Variants in GHR observed in about 807,000 individuals in gnomAD.
GHR encodes growth hormone receptor, also known as GH receptor.
GHR carries 35 observed loss-of-function variants against 67.1 expected under a neutral mutation model. That is an observed-to-expected ratio of 0.52 (90% CI 0.40 to 0.69). GHR has a LOEUF of 0.69. Ranked by LOEUF, GHR falls within the 30% of genes least tolerant of loss-of-function variation. GHR has a pLI of 0.00. For missense variants in GHR, 792 were observed against 764.6 expected (o/e 1.04, Z -0.42); for synonymous variants, 272 against 269.1 (o/e 1.01, Z -0.10).
At chr5:42,505,159 A>G (rs1290435345) in intron 1 of GHR, among the ~76,000 whole-genome samples, 2 of 96,574 alleles carry the variant, frequency 2.1e-5, no homozygotes, top group Non-Finnish European at 4.5e-5. Flanking sequence ...TTTTTGCCTT[A>G]TAATTTACTT....
At chr5:42,699,747 G>C in intron 5 of GHR, 77 bp from the exon 6 acceptor site, 1 of 884,562 alleles carries the variant, frequency 1.1e-6, no homozygotes, top group Non-Finnish European at 1.9e-6. Flanking sequence ...AAAGTAATTT[G>C]GTCTTCTGAG....
rs115987960 is a variant in GHR, at chr5:42,634,253, G to A, written c.136+5150G>A. 9.3e-3 allele frequency among the ~76,000 whole-genome samples: 1,417 copies of A among 152,062 alleles called. 21 individuals are homozygous for A. The highest frequency in any genetic ancestry group is 0.013 in the South Asian group (64 of 4,816). On this transcript the variant is annotated intron_variant, in intron 3 of 9. Transcript: ENST00000230882. ...GTATCTGGCCCTACAGTAAGCTTACGTGGTATTTATTGTATTCTCTTATGG... is the reference window on the plus strand; with the variant it reads ...GTATCTGGCCCTACAGTAAGCTTACATGGTATTTATTGTATTCTCTTATGG...
chr5:42,498,663 A>C (rs2112222614), intron 1 of GHR, among the ~76,000 whole-genome samples: 1 of 152,320 alleles, frequency 6.6e-6, no homozygotes, highest in Non-Finnish European at 1.5e-5. Context: ...CAAAAGGCAA[A>C]CGGACAAGCC....
chr5:42,485,385 C>T (rs1469691602), intron 1 of GHR, among the ~76,000 whole-genome samples: 1 of 152,196 alleles, frequency 6.6e-6, no homozygotes, highest in African/African-American at 2.4e-5. Context: ...CATTAATACC[C>T]CCATCATAGC....
intron 3 of GHR, among the ~76,000 whole-genome samples, chr5:42,657,614 G>A (rs1755325685): frequency 6.6e-6 from 1 of 152,082 alleles, no homozygotes; most frequent in Non-Finnish European, 1.5e-5. Flanking sequence ...CACTCATAAT[G>A]GGAATTTAGA....
At chr5:42,554,132 T>G (rs1326645631) in intron 1 of GHR, among the ~76,000 whole-genome samples, 1 of 152,182 alleles carries the variant, frequency 6.6e-6, no homozygotes, top group Non-Finnish European at 1.5e-5. Flanking sequence ...GTATCAATAC[T>G]CAGTCCCTAT....
chr5:42,590,031 T>A (rs1751693390), intron 2 of GHR, among the ~76,000 whole-genome samples: 1 of 152,214 alleles, frequency 6.6e-6, no homozygotes, highest in Non-Finnish European at 1.5e-5. Context: ...GGTATTTCAT[T>A]CATTCCTCCA....
chr5:42,595,767 G>C (rs966767840), intron 2 of GHR, among the ~76,000 whole-genome samples: 6 of 152,224 alleles, frequency 3.9e-5, no homozygotes, highest in African/African-American at 1.2e-4. Flanking sequence ...AAGGAAGTGG[G>C]TTGCTGGAGA....
At chr5:42,476,683 T>C (rs1192566210) in intron 1 of GHR, among the ~76,000 whole-genome samples, 1 of 152,202 alleles carries the variant, frequency 6.6e-6, no homozygotes, top group Non-Finnish European at 1.5e-5. Context: ...CTAAAGTTCC[T>C]TTCTGACACA....
chr5:42,461,972 T>C (rs942416048), intron 1 of GHR, among the ~76,000 whole-genome samples: 10 of 152,186 alleles, frequency 6.6e-5, no homozygotes, highest in Admixed American at 6.5e-4. Context: ...TCCAAAGAGA[T>C]TGTGAATGTT....
At chr5:42,614,966 A>G (rs966483146) in intron 2 of GHR, among the ~76,000 whole-genome samples, 5 of 151,886 alleles carry the variant, frequency 3.3e-5, no homozygotes, top group Admixed American at 2.6e-4. Context: ...AAGATCTCCA[A>G]AGCCCCTCCC....
intron 1 of GHR, among the ~76,000 whole-genome samples, chr5:42,553,766 G>C (rs1187075367): frequency 6.6e-6 from 1 of 152,270 alleles, no homozygotes; most frequent in Admixed American, 6.5e-5. Flanking sequence ...GCAACACTTT[G>C]AAATATTGTC....
At chr5:42,667,772 T>A (rs1442234377) in intron 3 of GHR, among the ~76,000 whole-genome samples, 1 of 152,210 alleles carries the variant, frequency 6.6e-6, no homozygotes, top group Non-Finnish European at 1.5e-5. Context: ...AAACCCATGT[T>A]TGTGTACAGA....
chr5:42,542,950 G>A (rs1391869097), intron 1 of GHR, among the ~76,000 whole-genome samples: 3 of 152,094 alleles, frequency 2.0e-5, no homozygotes, highest in Non-Finnish European at 2.9e-5. Flanking sequence ...CCAAGTTGCT[G>A]CAAAAGACAT....
intron 1 of GHR, among the ~76,000 whole-genome samples, chr5:42,464,900 G>A (rs1300646677): frequency 6.6e-6 from 1 of 152,096 alleles, no homozygotes; most frequent in African/African-American, 2.4e-5. Flanking sequence ...TAACACAAAT[G>A]GATGAATTAA....
intron 1 of GHR, among the ~76,000 whole-genome samples, chr5:42,506,087 G>A (rs573024629): frequency 3.3e-5 from 5 of 152,274 alleles, no homozygotes; most frequent in African/African-American, 9.6e-5. Context: ...GCCACGAGCC[G>A]TGGTGTGTTC....
Position 42,713,447 on chromosome 5 carries a change from T to C in GHR, c.803T>C (p.Leu268Pro). The change falls in exon 8 of 10, where the codon CTC becomes CCC. Residue 268 changes from leucine to proline, a missense_variant. Physicochemically the swap from Leu to Pro is moderately conservative, Grantham distance 98. Transcript: ENST00000230882. ...GTTTCAGATTTCTACTTTCCATGGCTCTTAATTATTATCTTTGGAATATTT... is the reference window on the plus strand; with the variant it reads ...GTTTCAGATTTCTACTTTCCATGGCCCTTAATTATTATCTTTGGAATATTT... Reference protein sequence around the residue: ...TCEEDFYFPWLLIIIFGIFGL... With the variant: ...TCEEDFYFPWPLIIIFGIFGL... 2.1e-6 allele frequency: 3 copies of C among 1,447,486 alleles called. No homozygotes were observed. The highest frequency in any genetic ancestry group is 2.9e-6 in the Non-Finnish European group (3 of 1,030,884). The allele number at this position is 1,447,486 out of a possible 1,614,324, so 89.7% of individuals were successfully genotyped here.
At chr5:42,542,300 T>C (rs1210096302) in intron 1 of GHR, among the ~76,000 whole-genome samples, 1 of 152,114 alleles carries the variant, frequency 6.6e-6, no homozygotes, top group Non-Finnish European at 1.5e-5. Context: ...TATTCATTGG[T>C]TAAATAAGAT....
intron 2 of GHR, among the ~76,000 whole-genome samples, chr5:42,609,030 G>T (rs114488358): frequency 7.2e-4 from 110 of 152,214 alleles, no homozygotes; most frequent in Non-Finnish European, 1.1e-3. Context: ...GAAAGGGATG[G>T]CATATGCAAA....
Sources: allele counts gnomAD v4.1 joint callset (sites outside exome capture counted in the v4.1 genomes callset), GRCh38; gene constraint gnomAD v4.1.1; transcripts MANE v1.5; gene names NCBI Gene and HGNC (gene_info 2026-07-23, HGNC 2026-07-21).